The following LPCAT1 variants were observed in gnomAD, a reference collection of about 807,000 sequenced individuals.
LPCAT1 encodes 1-acylglycerol-3-phosphate O-acyltransferase.
LPCAT1 carries 23 observed loss-of-function variants against 60.9 expected under a neutral mutation model. The observed-to-expected ratio is 0.38, with a 90% CI of 0.27 to 0.53. The LOEUF (loss-of-function observed/expected upper bound fraction) is 0.53. Ranked by LOEUF, LPCAT1 falls within the 20% of genes least tolerant of loss-of-function variation. The probability of loss-of-function intolerance (pLI) is 0.82; values close to 1 mark genes in which losing one functional copy is unlikely to be tolerated. For synonymous variants in LPCAT1, 340 were observed against 301.1 expected, an observed-to-expected ratio of 1.13 and a Z score of -1.34; for missense variants, 622 against 723.6, an observed-to-expected ratio of 0.86 and a Z score of 1.61.
chr5:1,507,733 A>C (rs1736230862), intron 1 of LPCAT1, among the ~76,000 whole-genome samples: 1 of 152,166 alleles, frequency 6.6e-6, no homozygotes, highest in Non-Finnish European at 1.5e-5. Flanking sequence ...CCCAGCTCAC[A>C]CTCACGTGAC....
At chr5:1,517,077 A>C (rs1485383143) in intron 1 of LPCAT1, among the ~76,000 whole-genome samples, 1 of 152,232 alleles carries the variant, frequency 6.6e-6, no homozygotes, top group East Asian at 1.9e-4. Flanking sequence ...CAAGCCTAGC[A>C]TCATGCTTTT....
At position 1,518,269 on chromosome 5, in the gene LPCAT1, AAG is replaced by A. The variant is rs552187753; in HGVS notation, c.135+5439_135+5440del. ...CGGAAAAAAAACACAGCTGAAAAAA[AAG>A]AGAAAAATATAAGACAGAGCTGATG... On this transcript the variant is annotated intron_variant, in intron 1 of 13. Coordinates refer to ENST00000283415, the MANE Select transcript of LPCAT1 (RefSeq NM_024830.5). Among the ~76,000 whole-genome samples, 318 of 152,382 alleles carry A rather than the reference AAG, an allele frequency of 2.1e-3. 3 individuals carry two copies. Among genetic ancestry groups the A allele is most frequent in the African/African-American group, 7.4e-3 (306 of 41,598 alleles).
intron 1 of LPCAT1, among the ~76,000 whole-genome samples, chr5:1,514,200 G>C (rs1736437159): frequency 6.6e-6 from 1 of 152,260 alleles, no homozygotes; most frequent in South Asian, 2.1e-4. Context: ...GCCGAGGGGA[G>C]GAGAAGCACA....
At position 1,480,226 on chromosome 5, in the gene LPCAT1, A is replaced by T; in HGVS notation, c.762-551T>A. 1 of 516,920 alleles carries T rather than the reference A, an allele frequency of 1.9e-6. No homozygotes were observed. The highest frequency in any genetic ancestry group is 2.4e-6 in the Non-Finnish European group (1 of 408,672). 32.0% of individuals were successfully genotyped at this position (516,920 alleles called of 1,614,324 possible). On this transcript the variant is annotated intron_variant, in intron 7 of 13. Transcript: ENST00000283415. This position sits in a 1 kb window ranked among gnomAD's most constrained non-coding sequence, Gnocchi z 6.4. ...GCCCCCGGGACCCCAGAACCCCTAT[A>T]CCCCCCAGAGCCCCCTCCCAGCTCT...
At chr5:1,465,838 G>A (rs1012260874) in intron 13 of LPCAT1, among the ~76,000 whole-genome samples, 8 of 150,960 alleles carry the variant, frequency 5.3e-5, no homozygotes, top group East Asian at 2.0e-4. Context: ...GTATGCACAC[G>A]CACGGTAACA....
At chr5:1,489,553 TACTTTA>T (rs1310333659) in intron 4 of LPCAT1, among the ~76,000 whole-genome samples, 187 bp downstream of exon 4, 1 of 152,242 alleles carries the variant, frequency 6.6e-6, no homozygotes, top group African/African-American at 2.4e-5. Flanking sequence ...TGTTTTTCTT[TACTTTA>T]ACTTTAAATT....
At chr5:1,475,761 G>C (rs1734883110) in intron 9 of LPCAT1, among the ~76,000 whole-genome samples, 1 of 151,820 alleles carries the variant, frequency 6.6e-6, no homozygotes. Context: ...GCCCCGCCCA[G>C]GCCCAGGAGT....
chr5:1,501,976 A>G (rs1453752368), intron 1 of LPCAT1, among the ~76,000 whole-genome samples: 1 of 151,452 alleles, frequency 6.6e-6, no homozygotes. Flanking sequence ...AAGGCTGACC[A>G]ACACTGACTG....
At chr5:1,469,298 T>C (rs1217309331) in intron 12 of LPCAT1, among the ~76,000 whole-genome samples, 4 of 152,088 alleles carry the variant, frequency 2.6e-5, no homozygotes, top group African/African-American at 4.8e-5. Flanking sequence ...CACACTGTCC[T>C]CCCCAGTGGG....
At position 1,474,770 on chromosome 5, in the gene LPCAT1, G is replaced by A. The variant is rs533334383; in HGVS notation, c.900-85C>T. 788 of 1,508,980 alleles carry A rather than the reference G, an allele frequency of 5.2e-4. 2 individuals carry two copies. In the African/African-American group the frequency reaches 1.0e-2, roughly 19 times the overall value. 93.5% of individuals were successfully genotyped at this position (1,508,980 alleles called of 1,614,324 possible). On this transcript the variant is annotated intron_variant, in intron 9 of 13. Coordinates refer to ENST00000283415, the MANE Select transcript of LPCAT1 (RefSeq NM_024830.5). ...CACCAGAATAACCGCCGATGGCTCA[G>A]GGGAGAGGAGGGCTGAGGAGAGGCA...
chr5:1,468,634 C>T (rs528630527), intron 12 of LPCAT1, among the ~76,000 whole-genome samples: 5 of 152,334 alleles, frequency 3.3e-5, no homozygotes, highest in African/African-American at 7.2e-5. Context: ...CTCTCTGAGC[C>T]GCTGGAAGTT....
intron 13 of LPCAT1, among the ~76,000 whole-genome samples, chr5:1,465,057 A>G (rs987437087): frequency 4.0e-5 from 5 of 126,482 alleles, no homozygotes; most frequent in Non-Finnish European, 8.7e-5. Flanking sequence ...GCGCACGCAC[A>G]AGTGCACGCA....
chr5:1,483,335 G>A lies in LPCAT1; in HGVS notation c.726+93C>T, dbSNP rs1447597892. The A allele has an allele frequency of 1.2e-5, 16 of 1,301,508 alleles. No individual in the cohort carries two copies. Among genetic ancestry groups the A allele is most frequent in the Admixed American group, 1.7e-5 (1 of 58,872 alleles). 80.6% of individuals were successfully genotyped at this position (1,301,508 alleles called of 1,614,324 possible). On this transcript the variant is annotated intron_variant, in intron 6 of 13. Coordinates refer to ENST00000283415, the MANE Select transcript of LPCAT1 (RefSeq NM_024830.5). This position sits in a 1 kb window ranked among gnomAD's most constrained non-coding sequence, Gnocchi z 9.2. The stretch of plus-strand genomic sequence containing the variant: ...GGCTGTGGCGCAGATAAAGGGTGTG[G>A]AGAGACAGAGACACAGGTGCACAGA...
Position 1,502,451 on chromosome 5 carries a change from GT to G in LPCAT1, c.136-849del, listed in dbSNP as rs1736051720. Among the ~76,000 whole-genome samples, 1 of 152,176 alleles carries G rather than the reference GT, an allele frequency of 6.6e-6. No individual in the cohort carries two copies. The highest frequency in any genetic ancestry group is 2.4e-5 in the African/African-American group (1 of 41,444). The stretch of plus-strand genomic sequence containing the variant: ...GGCAGAATGAAGGTGTGACTTTCCA[GT>G]CAATGGAAGACCCGGCGCAGGAGAG... On this transcript the variant is annotated intron_variant, in intron 1 of 13. Transcript: ENST00000283415. The surrounding 1 kb of genome is among the most constrained non-coding windows in gnomAD (Gnocchi z 5.5).
rs749274081 is a variant in LPCAT1 at position 1,495,696 on chromosome 5, T to C, written c.279-782A>G. Among the ~76,000 whole-genome samples, 7 of 152,166 alleles carry C rather than the reference T, an allele frequency of 4.6e-5. No homozygotes were observed. The highest frequency in any genetic ancestry group is 8.8e-5 in the Non-Finnish European group (6 of 68,022). The stretch of plus-strand genomic sequence containing the variant: ...AGGTCAGGCACACAGAGAACATGAT[T>C]CAGCCTCATGAGAAGCCACGGCTCA... On this transcript the variant is annotated intron_variant, in intron 2 of 13. Coordinates refer to ENST00000283415, the MANE Select transcript of LPCAT1 (RefSeq NM_024830.5). The surrounding 1 kb of genome is among the most constrained non-coding windows in gnomAD (Gnocchi z 4.7).
chr5:1,473,850 G>A (rs998869978), intron 11 of LPCAT1, 107 bp downstream of exon 11: 65 of 1,397,442 alleles, frequency 4.7e-5, no homozygotes, highest in Non-Finnish European at 1.3e-5. Flanking sequence ...TTCCTTCTCT[G>A]CTTTCAAATT....
intron 1 of LPCAT1, among the ~76,000 whole-genome samples, chr5:1,519,549 A>G (rs1343185889): frequency 6.6e-6 from 1 of 152,258 alleles, no homozygotes; most frequent in East Asian, 1.9e-4. Context: ...GAAAAAAGCC[A>G]GTTCCCTAAG....
chr5:1,473,413 C>T (rs887040766), intron 11 of LPCAT1, among the ~76,000 whole-genome samples: 13 of 152,384 alleles, frequency 8.5e-5, no homozygotes, highest in African/African-American at 2.9e-4. Context: ...CCTAAAACCC[C>T]GAGGCTGCCC....
chr5:1,470,733 T>C, intron 12 of LPCAT1, 93 bp downstream of exon 12: 1 of 875,780 alleles, frequency 1.1e-6, no homozygotes, highest in South Asian at 2.0e-5. Context: ...ATCAATTAAC[T>C]GATATTATAA....
Sources: gnomAD v4.1 joint callset for allele counts (sites outside exome capture counted in the v4.1 genomes callset) on GRCh38, gnomAD v4.1.1 for gene constraint, Gnocchi (gnomAD v3.1) non-coding constraint, MANE v1.5 for transcripts, NCBI Gene and HGNC (gene_info 2026-07-23, HGNC 2026-07-21) for gene names.